ERBB4: variants seen among roughly 807,000 people sequenced by gnomAD.
ERBB4 encodes receptor tyrosine-protein kinase erbB-4.
A neutral mutation model predicts 158.0 loss-of-function variants in ERBB4; 42 were observed. That is an observed-to-expected ratio of 0.27 (90% CI 0.21 to 0.34). The LOEUF (loss-of-function observed/expected upper bound fraction) is 0.34, where lower values mean the gene tolerates loss of function less well. Among genes scored for constraint, ERBB4 ranks in the 10% least tolerant of loss-of-function variants. The pLI, the probability that ERBB4 is intolerant of heterozygous loss-of-function variation, is 1.00. For missense variants in ERBB4, 1,333 were observed against 1,624.1 expected, an observed-to-expected ratio of 0.82 and a Z score of 3.08; for synonymous variants, 583 against 558.7, an observed-to-expected ratio of 1.04 and a Z score of -0.61.
At chr2:212,037,956 A>G (rs1359259386) in intron 2 of ERBB4, among the ~76,000 whole-genome samples, 1 of 152,146 alleles carries the variant, frequency 6.6e-6, no homozygotes, top group Non-Finnish European at 1.5e-5. Flanking sequence ...ATTTTGAAAA[A>G]ATTAGCCGTT....
chr2:211,949,875 CTACACTATATCATTCA>C (rs2080827405), intron 2 of ERBB4, among the ~76,000 whole-genome samples: 1 of 152,302 alleles, frequency 6.6e-6, no homozygotes, highest in South Asian at 2.1e-4. Context: ...TTACCTTCTA[CTACACTATATCATTCA>C]TACATTTATC....
intron 1 of ERBB4, among the ~76,000 whole-genome samples, chr2:212,202,632 C>T (rs2082621180): frequency 1.3e-5 from 2 of 152,114 alleles, no homozygotes; most frequent in African/African-American, 4.8e-5. Flanking sequence ...TGAGCCACCA[C>T]ACATAGCCCA....
At chr2:211,625,073 A>G (rs1336015529) in intron 17 of ERBB4, among the ~76,000 whole-genome samples, 1 of 148,054 alleles carries the variant, frequency 6.8e-6, no homozygotes, top group Admixed American at 6.8e-5. Context: ...CATATGTGAG[A>G]AAAAAAAAAA....
chr2:212,254,681 T>C (rs1259340615), intron 1 of ERBB4, among the ~76,000 whole-genome samples: 1 of 152,178 alleles, frequency 6.6e-6, no homozygotes, highest in Non-Finnish European at 1.5e-5. Flanking sequence ...ATGCCACTGA[T>C]GGGAAAACTT....
At chr2:212,489,646 A>G (rs1223373222) in intron 1 of ERBB4, among the ~76,000 whole-genome samples, 4 of 151,972 alleles carry the variant, frequency 2.6e-5, no homozygotes, top group Non-Finnish European at 5.9e-5. Context: ...ATATTTAAAT[A>G]GAAACAATTA....
intron 2 of ERBB4, among the ~76,000 whole-genome samples, chr2:212,109,900 G>A (rs1173091982): frequency 6.6e-6 from 1 of 152,158 alleles, no homozygotes; most frequent in South Asian, 2.1e-4. Flanking sequence ...TATGAATTGA[G>A]CTTAATTATC....
At chr2:212,531,723 TA>T (rs1048484891) in intron 1 of ERBB4, among the ~76,000 whole-genome samples, 1 of 150,734 alleles carries the variant, frequency 6.6e-6, no homozygotes. Flanking sequence ...AAGCCCAGGT[TA>T]AAAAAAAACA....
chr2:212,485,449 A>G (rs1689922102), intron 1 of ERBB4, among the ~76,000 whole-genome samples: 2 of 152,220 alleles, frequency 1.3e-5, no homozygotes, highest in South Asian at 2.1e-4. Flanking sequence ...CTTAGCACAC[A>G]AGAGAAGGCT....
At chr2:212,079,712 C>T (rs2078379728) in intron 2 of ERBB4, among the ~76,000 whole-genome samples, 1 of 151,934 alleles carries the variant, frequency 6.6e-6, no homozygotes, top group South Asian at 2.1e-4. Flanking sequence ...TAAAAAGGTG[C>T]CTGCCAAGTA....
chr2:212,426,673 G>A (rs567904886), intron 1 of ERBB4, among the ~76,000 whole-genome samples: 2 of 152,074 alleles, frequency 1.3e-5, no homozygotes, highest in South Asian at 2.1e-4. Flanking sequence ...TAATAATGAT[G>A]CGCTTGTACC....
intron 1 of ERBB4, among the ~76,000 whole-genome samples, chr2:212,328,658 C>T (rs2087980235): frequency 6.6e-6 from 1 of 151,934 alleles, no homozygotes; most frequent in Non-Finnish European, 1.5e-5. Context: ...AGTATGTAGG[C>T]TAGGAGGAAT....
intron 2 of ERBB4, among the ~76,000 whole-genome samples, chr2:212,024,778 A>C (rs2076736022): frequency 6.6e-6 from 1 of 151,246 alleles, no homozygotes; most frequent in Non-Finnish European, 1.5e-5. Flanking sequence ...TTGACTGAGC[A>C]GGTGGCCTAA....
intron 1 of ERBB4, chr2:212,125,329 G>C (rs568720050): frequency 5.6e-6 from 1 of 177,700 alleles, no homozygotes; most frequent in South Asian, 1.2e-4. Context: ...TAAAATCATA[G>C]TTATTATATC....
At chr2:212,489,929 G>A (rs964358456) in intron 1 of ERBB4, among the ~76,000 whole-genome samples, 4 of 151,620 alleles carry the variant, frequency 2.6e-5, no homozygotes, top group African/African-American at 7.3e-5. Flanking sequence ...CTAAAATCTC[G>A]AGTTGTCTTT....
chr2:211,422,141 T>C (rs916360176), intron 23 of ERBB4, 37 bp from the exon 24 acceptor site: 2 of 1,311,758 alleles, frequency 1.5e-6, no homozygotes, highest in African/African-American at 2.9e-5. Context: ...ACTATATTCG[T>C]AACTAGAAAG....
At chr2:212,170,492 T>A (rs1468353218) in intron 1 of ERBB4, among the ~76,000 whole-genome samples, 3 of 152,188 alleles carry the variant, frequency 2.0e-5, no homozygotes, top group Admixed American at 2.0e-4. Flanking sequence ...CAAATGTCAA[T>A]GGCCAAGACA....
rs762810727 is a variant in ERBB4, at chr2:212,373,951, C to CCATAT, written c.82+164497_82+164498insATATG. On this transcript the variant is annotated intron_variant, in intron 1 of 27. Transcript: ENST00000342788. ...TATCCATATATATCCATATATATAT[C>CCATAT]ATATATATATCCATATATATCCATA... is the stretch of plus-strand genomic sequence containing the variant. Among the ~76,000 whole-genome samples the CCATAT allele has an allele frequency of 6.0e-4, 21 of 35,174 alleles. 5 individuals carry two copies. In the South Asian group the frequency reaches 0.019, roughly 31 times the overall value. The allele number at this position is 35,174 out of a possible 152,430, so 23.1% of individuals were successfully genotyped here.
At position 212,497,791 on chromosome 2, in the gene ERBB4, C is replaced by T. The variant is rs574764701; in HGVS notation, c.82+40658G>A. On this transcript the variant is annotated intron_variant, in intron 1 of 27. Transcript: ENST00000342788. The stretch of plus-strand genomic sequence containing the variant: ...ATACCTAAGGGCACAATACAGCAGG[C>T]GGAACATTGGAAGCCAGTGACCAAA... Among the ~76,000 whole-genome samples, 177 of 152,222 alleles carry T rather than the reference C, an allele frequency of 1.2e-3. 1 individual carries two copies. Among genetic ancestry groups the T allele is most frequent in the African/African-American group, 4.1e-3 (170 of 41,524 alleles).
intron 1 of ERBB4, among the ~76,000 whole-genome samples, chr2:212,145,352 T>C (rs16847783): frequency 0.085 from 12,964 of 152,124 alleles, 1,152 homozygotes; most frequent in African/African-American, 0.23. Context: ...CTCATGATTA[T>C]ACCATCATAT....
Sources: allele counts gnomAD v4.1 joint callset (sites outside exome capture counted in the v4.1 genomes callset), GRCh38; gene constraint gnomAD v4.1.1; transcripts MANE v1.5; gene names NCBI Gene and HGNC (gene_info 2026-07-23, HGNC 2026-07-21).